The following HDGFL2 variants were observed in gnomAD, a reference collection of about 807,000 sequenced individuals.
The protein encoded by HDGFL2 is hepatoma-derived growth factor-related protein 2.
Under a neutral mutation model 77.1 loss-of-function variants are expected in HDGFL2, and 36 were observed. That is an observed-to-expected ratio of 0.47 (90% confidence interval 0.36 to 0.62). HDGFL2 has a LOEUF of 0.62. Among genes scored for constraint, HDGFL2 ranks in the 20% least tolerant of loss-of-function variants. The pLI, the probability that HDGFL2 is intolerant of heterozygous loss-of-function variation, is 0.00. For synonymous variants in HDGFL2, 463 were observed against 413.1 expected (o/e 1.12, Z -1.46); for missense variants, 976 against 973.4 (o/e 1.00, Z -0.04).
At position 4,494,203 on chromosome 19, in the gene HDGFL2, C is replaced by T. The variant is rs1362251495; in HGVS notation, c.952C>T (p.Arg318Trp). ...DEVDRISEWK[R>W]RDEARRRELE... ...GGTGGACCGCATCAGTGAGTGGAAG[C>T]GGCGGGACGAGGCGCGGAGGCGCGA... is the stretch of plus-strand genomic sequence containing the variant. The change falls in exon 9 of 16, where the codon CGG (arginine) becomes TGG (tryptophan). Residue 318 changes from arginine (R) to tryptophan (W), a missense_variant. Transcript: ENST00000616600. The T allele has an allele frequency of 1.4e-6, 2 of 1,476,898 alleles. No individual in the cohort carries two copies. The highest frequency in any genetic ancestry group is 8.9e-7 in the Non-Finnish European group (1 of 1,117,582). 91.5% of individuals were successfully genotyped at this position (1,476,898 alleles called of 1,614,324 possible).
intron 3 of HDGFL2, among the ~76,000 whole-genome samples, chr19:4,476,128 G>T (rs1975066892): frequency 6.7e-6 from 1 of 149,396 alleles, no homozygotes; most frequent in African/African-American, 2.5e-5. Context: ...CTGACTTCGT[G>T]ATCCACCCGC....
chr19:4,491,829 A>G lies in HDGFL2; in HGVS notation c.672A>G (p.Lys224=). The G allele has an allele frequency of 6.2e-7, 1 of 1,613,844 alleles. No individual in the cohort carries two copies. Among genetic ancestry groups the G allele is most frequent in the Non-Finnish European group, 8.5e-7 (1 of 1,179,878 alleles). ...APRRGPLGGR[K]KKKAPSASDS... The stretch of plus-strand genomic sequence containing the variant: ...GGAGGGGCCCTCTGGGGGGACGGAA[A>G]AAAAAGGTAGCGTGCACTTGACTTT... Residue 224 remains lysine (K), a synonymous_variant, in exon 6 of 16, where the codon AAA becomes AAG. Coordinates refer to ENST00000616600, the MANE Select transcript of HDGFL2 (RefSeq NM_001001520.3).
chr19:4,495,123 C>T (rs1292999055), intron 9 of HDGFL2, among the ~76,000 whole-genome samples: 1 of 152,136 alleles, frequency 6.6e-6, no homozygotes, highest in African/African-American at 2.4e-5. Flanking sequence ...CGCAGTGGCT[C>T]ACGCCTGTAA....
At chr19:4,496,240 G>T in intron 9 of HDGFL2, 62 bp from the exon 10 acceptor site, 1 of 1,363,156 alleles carries the variant, frequency 7.3e-7, no homozygotes. Flanking sequence ...AGTGGGATGG[G>T]CTAGGGGTCT....
chr19:4,500,591 G>C (rs1222314402), intron 14 of HDGFL2, among the ~76,000 whole-genome samples: 1 of 151,984 alleles, frequency 6.6e-6, no homozygotes, highest in African/African-American at 2.4e-5. Context: ...CTCCCGAGGA[G>C]CTGGGACTAC....
chr19:4,497,129 T>C (rs990661158), intron 10 of HDGFL2: 5 of 444,418 alleles, frequency 1.1e-5, no homozygotes, highest in Non-Finnish European at 2.2e-5. Context: ...CGCCTCAGCC[T>C]CCCAAAGTGC....
intron 3 of HDGFL2, among the ~76,000 whole-genome samples, chr19:4,482,811 A>G (rs957078685): frequency 1.2e-4 from 18 of 152,074 alleles, no homozygotes; most frequent in African/African-American, 4.1e-4. Flanking sequence ...CACCGGTTAC[A>G]TGGGGCATTG....
intron 6 of HDGFL2, among the ~76,000 whole-genome samples, chr19:4,492,637 TTGTGTGTGTTGTCTGTGTGG>T (rs1477192495): frequency 6.8e-6 from 1 of 147,872 alleles, no homozygotes; most frequent in African/African-American, 2.5e-5. Context: ...TGTGTTTTGT[TTGTGTGTGTTGTCTGTGTGG>T]TGTGTGTGTC....
At chr19:4,472,667 G>A (rs748083648) in intron 1 of HDGFL2, among the ~76,000 whole-genome samples, 11 of 149,444 alleles carry the variant, frequency 7.4e-5, no homozygotes, top group Non-Finnish European at 1.2e-4. Flanking sequence ...GCCTGCCGGA[G>A]CCGCGCCCCG....
At position 4,488,810 on chromosome 19, in the gene HDGFL2, G is replaced by A; in HGVS notation, c.423G>A (p.Glu141=). 6.4e-7 allele frequency: 1 copy of A among 1,551,756 alleles called. No homozygotes were observed. Among genetic ancestry groups the A allele is most frequent in the Non-Finnish European group, 8.7e-7 (1 of 1,147,102 alleles). ...CCACAGCTGCCAGCGACAGGATGGA[G>A]AGCGACTCAGACTCAGACAAGAGTA... ...VTATAASDRM[E]SDSDSDKSSD... is the part of the protein sequence containing the mutation. The change falls in exon 4 of 16, where the codon GAG becomes GAA. Residue 141 remains glutamate (E), a synonymous_variant. Transcript: ENST00000616600.
intron 10 of HDGFL2, chr19:4,497,118 CCGCCT>C (rs1975725102): frequency 2.3e-6 from 1 of 440,106 alleles, no homozygotes; most frequent in African/African-American, 2.0e-5. Context: ...CGTGATCTGC[CCGCCT>C]CAGCCTCCCA....
In HDGFL2 at chr19:4,494,286, G is replaced by A. The variant is rs755051632; in HGVS notation, c.1035G>A (p.Gln345=). Residue 345 remains glutamine (Q), a synonymous_variant, in exon 9 of 16, where the codon CAG becomes CAA. Transcript: ENST00000616600. ...QEEELRRLRE[Q]EKEEKERRRE... is the part of the protein sequence containing the mutation. ...AGGAGCTGCGGCGCCTGCGGGAGCA[G>A]GAGAAGGAGGAGAAGGAGCGGAGGC... 1 of 1,444,932 alleles carries A rather than the reference G, an allele frequency of 6.9e-7. No individual in the cohort carries two copies. The allele number at this position is 1,444,932 out of a possible 1,614,324, so 89.5% of individuals were successfully genotyped here. A position where few individuals can be genotyped will look rare whatever the true frequency, so the allele number is the denominator to read the frequency against.
Position 4,491,676 on chromosome 19 carries a change from C to G in HDGFL2, c.600C>G (p.Ser200Arg), listed in dbSNP as rs769323197. ...GCTCATCTGAGTCGGAGAAGACCAG[C>G]GACCAGGTGGGCCAGTGGCTCCTTG... The part of the protein sequence containing the change: ...SESSSESEKT[S>R]DQDFTPEKKA... The change falls in exon 5 of 16, where the codon AGC becomes AGG. Residue 200 changes from serine (S) to arginine (R), a missense_variant. Around this residue, in one of 5 missense-constraint regions of HDGFL2, gnomAD observed 567 missense variants for 534.7 expected, o/e 1.06. Transcript: ENST00000616600. The G allele has an allele frequency of 6.2e-7, 1 of 1,613,888 alleles. No homozygotes were observed. Among genetic ancestry groups the G allele is most frequent in the African/African-American group, 1.3e-5 (1 of 74,938 alleles).
In HDGFL2 at chr19:4,488,834, T is replaced by C; in HGVS notation, c.447T>C (p.Ser149=). 3 of 1,550,962 alleles carry C rather than the reference T, an allele frequency of 1.9e-6. No individual in the cohort carries two copies. The highest frequency in any genetic ancestry group is 2.6e-6 in the Non-Finnish European group (3 of 1,146,938). Residue 149 remains serine (S), a synonymous_variant, in exon 4 of 16, where the codon AGT becomes AGC. Coordinates refer to ENST00000616600, the MANE Select transcript of HDGFL2 (RefSeq NM_001001520.3). ...AGAGCGACTCAGACTCAGACAAGAG[T>C]AGCGACAACAGTGGCCTGAAGAGGA... is the stretch of plus-strand genomic sequence containing the variant. ...RMESDSDSDK[S]SDNSGLKRKT...
chr19:4,473,720 T>C (rs908753581), intron 1 of HDGFL2, among the ~76,000 whole-genome samples: 1 of 150,994 alleles, frequency 6.6e-6, no homozygotes, highest in East Asian at 2.0e-4. Context: ...CGGGGCTCTG[T>C]TCACGGGGTC....
intron 3 of HDGFL2, among the ~76,000 whole-genome samples, chr19:4,476,831 A>T (rs573885811): frequency 2.6e-5 from 4 of 151,648 alleles, no homozygotes; most frequent in Admixed American, 2.6e-4. Context: ...GGAGTGGGGG[A>T]ACTGGGCTGG....
At position 4,488,874 on chromosome 19, in the gene HDGFL2, A is replaced by C; in HGVS notation, c.487A>C (p.Lys163Gln). The C allele has an allele frequency of 6.4e-7, 1 of 1,551,086 alleles. No individual in the cohort carries two copies. Among genetic ancestry groups the C allele is most frequent in the Non-Finnish European group, 8.7e-7 (1 of 1,146,816 alleles). ...SGLKRKTPAL[K>Q]MSVSKRARKA... is the part of the protein sequence containing the mutation. Reference sequence around the variant, plus strand: ...CCTGAAGAGGAAGACGCCTGCGCTAAAGGTAGGGGAGGACCAAGGTGGGCT... The same window carrying C: ...CCTGAAGAGGAAGACGCCTGCGCTACAGGTAGGGGAGGACCAAGGTGGGCT... Residue 163 changes from lysine (K) to glutamine (Q), a missense_variant and splice_region_variant, in exon 4 of 16, where the codon AAG (lysine) becomes CAG (glutamine). Physicochemically the swap from Lys to Gln is moderately conservative, Grantham distance 53. This residue lies in a region of HDGFL2 where 567 missense variants were observed against 534.7 expected (regional missense o/e 1.06). Transcript: ENST00000616600.
chr19:4,494,876 A>G (rs890142965), intron 9 of HDGFL2, among the ~76,000 whole-genome samples: 2 of 151,810 alleles, frequency 1.3e-5, no homozygotes, highest in Admixed American at 6.6e-5. Flanking sequence ...GCTGTCATCA[A>G]TCCACTGCAC....
rs1375747133 is a variant in HDGFL2 at position 4,493,851 on chromosome 19, G to T, written c.827G>T (p.Gly276Val). The change falls in exon 7 of 16, where the codon GGC (glycine) becomes GTC (valine). Residue 276 changes from glycine to valine, a missense_variant. This residue lies in a region of HDGFL2 where 567 missense variants were observed against 534.7 expected (regional missense o/e 1.06). Transcript: ENST00000616600. The part of the protein sequence containing the change: ...SDVSVKKPPR[G>V]RKPAEKPLPK... ...GTGTCTGTGAAGAAGCCTCCGAGGG[G>T]CAGGAAGCCAGGTAGGGCCCTCGTG... 1.8e-5 allele frequency: 27 copies of T among 1,509,164 alleles called. No individual in the cohort carries two copies. The highest frequency in any genetic ancestry group is 2.3e-5 in the Non-Finnish European group (26 of 1,122,530). The allele number at this position is 1,509,164 out of a possible 1,614,324, so 93.5% of individuals were successfully genotyped here.
Sources: allele counts gnomAD v4.1 joint callset (sites outside exome capture counted in the v4.1 genomes callset), GRCh38; gene constraint gnomAD v4.1.1; regional missense constraint gnomAD v4.1.1; transcripts MANE v1.5; gene names NCBI Gene and HGNC (gene_info 2026-07-23, HGNC 2026-07-21).